LRMDA: variants seen among roughly 807,000 people sequenced by gnomAD.
LRMDA encodes leucine rich melanocyte differentiation associated, also known as leucine-rich melanocyte differentiation-associated protein.
A neutral mutation model predicts 29.8 loss-of-function variants in LRMDA; 18 were observed. The observed-to-expected ratio is 0.60, with a 90% confidence interval of 0.42 to 0.90. LRMDA has a LOEUF of 0.90. Among genes scored for constraint, LRMDA ranks in the 40% least tolerant of loss-of-function variants. The pLI is 0.00. For missense variants in LRMDA, 273 were observed against 273.9 expected, an observed-to-expected ratio of 1.00 and a Z score of 0.02; for synonymous variants, 125 against 109.4, an observed-to-expected ratio of 1.14 and a Z score of -0.89.
intron 6 of LRMDA, among the ~76,000 whole-genome samples, chr10:76,383,967 TTCTC>T (rs1554817381): frequency 6.6e-6 from 1 of 151,812 alleles, no homozygotes. Flanking sequence ...CCATTTTTTT[TTCTC>T]TCTCTCTTCT....
intron 2 of LRMDA, among the ~76,000 whole-genome samples, chr10:75,732,340 GGT>G (rs1842709854): frequency 6.6e-6 from 1 of 152,208 alleles, no homozygotes; most frequent in Non-Finnish European, 1.5e-5. Context: ...CCTGGGGCAA[GGT>G]TCGTGCTCTC....
At chr10:75,577,231 T>G (rs1407879209) in intron 2 of LRMDA, among the ~76,000 whole-genome samples, 1 of 152,024 alleles carries the variant, frequency 6.6e-6, no homozygotes, top group Non-Finnish European at 1.5e-5. Context: ...GCACGAGAAC[T>G]TCGTGAAGCA....
intron 2 of LRMDA, among the ~76,000 whole-genome samples, chr10:75,693,415 C>G (rs368025367): frequency 2.6e-4 from 39 of 152,302 alleles, no homozygotes; most frequent in African/African-American, 8.7e-4. Context: ...TTTACATTAG[C>G]TTAACCAATC....
At chr10:75,514,409 T>C (rs1845265387) in intron 2 of LRMDA, among the ~76,000 whole-genome samples, 1 of 152,102 alleles carries the variant, frequency 6.6e-6, no homozygotes, top group South Asian at 2.1e-4. Context: ...TCACAGTCCT[T>C]ATTTGAAGAG....
chr10:75,877,068 A>G (rs1054150241), intron 2 of LRMDA, among the ~76,000 whole-genome samples: 4 of 152,300 alleles, frequency 2.6e-5, no homozygotes, highest in East Asian at 1.9e-4. Flanking sequence ...TCAGGAAACC[A>G]GAGACTTGGC....
Position 76,539,420 on chromosome 10 carries a change from C to T in LRMDA, c.602-17789C>T, listed in dbSNP as rs144852683. On this transcript the variant is annotated intron_variant, in intron 6 of 6. Coordinates refer to ENST00000611255, the MANE Select transcript of LRMDA (RefSeq NM_001305581.2). ...TTCTTTACATGCTAAGAAGCTGAGG[C>T]CCAGAGAGATGGAACAGGTTTCCCA... is the stretch of plus-strand genomic sequence containing the variant. 5.1e-4 allele frequency among the ~76,000 whole-genome samples: 77 copies of T among 152,174 alleles called. 1 individual carries two copies. The highest frequency in any genetic ancestry group is 2.1e-3 in the South Asian group (10 of 4,818).
chr10:76,340,737 C>A lies in LRMDA; in HGVS notation c.601+16252C>A, dbSNP rs568918942. Among the ~76,000 whole-genome samples the A allele has an allele frequency of 2.0e-5, 3 of 152,040 alleles. No individual in the cohort carries two copies. In the South Asian group the frequency reaches 6.2e-4, roughly 32 times the overall value. ...GCAGAGAAGGACTATTCTACATTCC[C>A]TTGGATGTGCTAGCCAAAGCAATGA... is the stretch of plus-strand genomic sequence containing the variant. On this transcript the variant is annotated intron_variant, in intron 6 of 6. Transcript: ENST00000611255.
intron 2 of LRMDA, among the ~76,000 whole-genome samples, chr10:75,596,548 T>G (rs1475485568): frequency 1.3e-5 from 2 of 152,150 alleles, no homozygotes; most frequent in African/African-American, 4.8e-5. Flanking sequence ...TGAGATTTTT[T>G]TTTTTTTAAA....
chr10:75,481,455 C>T (rs1844855368), intron 2 of LRMDA, among the ~76,000 whole-genome samples: 1 of 152,124 alleles, frequency 6.6e-6, no homozygotes, highest in African/African-American at 2.4e-5. Flanking sequence ...AGGTAGTGAC[C>T]TTGGGAAGAA....
chr10:76,309,835 C>T (rs894033770), intron 5 of LRMDA, among the ~76,000 whole-genome samples: 1 of 152,182 alleles, frequency 6.6e-6, no homozygotes, highest in Non-Finnish European at 1.5e-5. Flanking sequence ...TTACTGACAT[C>T]CTATCTGCAT....
chr10:75,900,605 C>G (rs1023592702), intron 2 of LRMDA, among the ~76,000 whole-genome samples: 4 of 152,058 alleles, frequency 2.6e-5, no homozygotes, highest in African/African-American at 7.2e-5. Flanking sequence ...CAGTGCATTG[C>G]CCCCCAGCCC....
intron 2 of LRMDA, among the ~76,000 whole-genome samples, chr10:75,639,881 G>A (rs1005948970): frequency 1.3e-5 from 2 of 152,214 alleles, no homozygotes; most frequent in Middle Eastern, 3.2e-3. Context: ...TGATGCTGTC[G>A]TGTTGAGGAG....
At chr10:75,968,180 C>T (rs946729514) in intron 2 of LRMDA, among the ~76,000 whole-genome samples, 5 of 151,950 alleles carry the variant, frequency 3.3e-5, no homozygotes, top group Non-Finnish European at 2.9e-5. Context: ...AAGGATAGGC[C>T]TGTGAATCAT....
chr10:76,149,230 A>T (rs189713841), intron 5 of LRMDA, among the ~76,000 whole-genome samples: 1 of 152,342 alleles, frequency 6.6e-6, no homozygotes, highest in East Asian at 1.9e-4. Flanking sequence ...TAAAACACAA[A>T]TTAAATAATA....
At chr10:76,311,758 C>T (rs189837397) in intron 5 of LRMDA, among the ~76,000 whole-genome samples, 1 of 152,270 alleles carries the variant, frequency 6.6e-6, no homozygotes, top group East Asian at 1.9e-4. Flanking sequence ...CTTGCATTTA[C>T]TCCTAATTAA....
intron 2 of LRMDA, among the ~76,000 whole-genome samples, chr10:75,534,596 G>A (rs1179989949): frequency 6.6e-6 from 1 of 152,160 alleles, no homozygotes; most frequent in Admixed American, 6.5e-5. Flanking sequence ...AATGTTCTTG[G>A]CAGGCAAGCT....
At chr10:76,483,054 G>C (rs181137925) in intron 6 of LRMDA, among the ~76,000 whole-genome samples, 222 of 151,958 alleles carry the variant, frequency 1.5e-3, no homozygotes, top group African/African-American at 5.1e-3. Flanking sequence ...TGGATTTTCA[G>C]TCTTTGTTCA....
At chr10:75,546,461 A>G (rs1464928606) in intron 2 of LRMDA, among the ~76,000 whole-genome samples, 1 of 152,232 alleles carries the variant, frequency 6.6e-6, no homozygotes, top group African/African-American at 2.4e-5. Context: ...TATGCATAGA[A>G]AAAAAGAAGA....
chr10:76,412,799 C>T (rs1310458838), intron 6 of LRMDA, among the ~76,000 whole-genome samples: 2 of 152,152 alleles, frequency 1.3e-5, no homozygotes, highest in Non-Finnish European at 2.9e-5. Context: ...CAATCTTCCT[C>T]CTTTCCCTCT....
Sources: gnomAD v4.1 joint callset for allele counts (sites outside exome capture counted in the v4.1 genomes callset) on GRCh38, gnomAD v4.1.1 for gene constraint, MANE v1.5 for transcripts, NCBI Gene and HGNC (gene_info 2026-07-23, HGNC 2026-07-21) for gene names.